MBD6: variants seen among roughly 807,000 people sequenced by gnomAD.
The protein encoded by MBD6 is methyl-CpG binding domain protein 6.
In MBD6, 22 loss-of-function variants were observed where a neutral mutation model predicts 66.8. That is an observed-to-expected ratio of 0.33 (90% CI 0.24 to 0.47). The LOEUF (loss-of-function observed/expected upper bound fraction) is 0.47, where lower values mean the gene tolerates loss of function less well. Among genes scored for constraint, MBD6 ranks in the 20% least tolerant of loss-of-function variants. MBD6 has a pLI of 1.00. For missense variants in MBD6, 1,322 were observed against 1,286.9 expected (o/e 1.03, Z -0.42); for synonymous variants, 540 against 534.6 (o/e 1.01, Z -0.14).
Position 57,525,659 on chromosome 12 carries a change from G to A in MBD6, c.691G>A (p.Ala231Thr). ...CAATGCTCCCTCATACAACTGGGGA[G>A]CTGCCCTCAGATCCAGCCTGGTGCC... is the stretch of plus-strand genomic sequence containing the variant. ...SLNAPSYNWG[A>T]ALRSSLVPSD... The change falls in exon 6 of 13, where the codon GCT becomes ACT. Residue 231 changes from alanine to threonine, a missense_variant. Ala to Thr is a moderately conservative substitution (Grantham distance 58). Coordinates refer to ENST00000355673, the MANE Select transcript of MBD6 (RefSeq NM_052897.4). 2 of 1,613,964 alleles carry A rather than the reference G, an allele frequency of 1.2e-6. No individual in the cohort carries two copies. The highest frequency in any genetic ancestry group is 1.7e-6 in the Non-Finnish European group (2 of 1,179,962).
chr12:57,531,411 A>G (rs905979348), downstream of MBD6, among the ~76,000 whole-genome samples: 21 of 152,110 alleles, frequency 1.4e-4, no homozygotes, highest in African/African-American at 4.8e-4. Context: ...CAGCTACTCA[A>G]TAGGCTGAGG....
chr12:57,525,135 A>C lies in MBD6; in HGVS notation c.379+20A>C, dbSNP rs747679132. Reference sequence around the variant, plus strand: ...CTCCTGGTGAGTCTTCTGCCACTTTACAGAAGACCGAGGAAAACCTAAGGG... The same window carrying C: ...CTCCTGGTGAGTCTTCTGCCACTTTCCAGAAGACCGAGGAAAACCTAAGGG... On this transcript the variant is annotated intron_variant, in intron 5 of 12. Coordinates refer to ENST00000355673, the MANE Select transcript of MBD6 (RefSeq NM_052897.4). 1 of 1,597,546 alleles carries C rather than the reference A, an allele frequency of 6.3e-7. No homozygotes were observed. The highest frequency in any genetic ancestry group is 1.1e-5 in the South Asian group (1 of 89,564).
In MBD6 at chr12:57,526,726, G is replaced by A. The variant is rs747989125; in HGVS notation, c.1581G>A (p.Leu527=). Residue 527 remains leucine, a synonymous_variant, in exon 7 of 13, where the codon CTG becomes CTA. Coordinates refer to ENST00000355673, the MANE Select transcript of MBD6 (RefSeq NM_052897.4). Reference sequence around the variant, plus strand: ...CTTTCCCCAGCCCTGAGCAGGGCCTGGCACTGAGTGGAGCTGGCTTCCCTG... The same window carrying A: ...CTTTCCCCAGCCCTGAGCAGGGCCTAGCACTGAGTGGAGCTGGCTTCCCTG... The part of the protein sequence containing the change: ...AFPFPSPEQG[L]ALSGAGFPGM... 2 of 1,568,136 alleles carry A rather than the reference G, an allele frequency of 1.3e-6. No individual in the cohort carries two copies. The highest frequency in any genetic ancestry group is 2.4e-5 in the South Asian group (2 of 84,340).
rs1878502240 is a variant in MBD6 at position 57,522,963 on chromosome 12, C to T, written c.-137C>T. On this transcript the variant is annotated 5_prime_UTR_variant, in exon 1 of 13. Coordinates refer to ENST00000355673, the MANE Select transcript of MBD6 (RefSeq NM_052897.4). ...CTCCTCCCACCCCCTCCCACTCACC[C>T]TCTGGGCCGCGACTGCGCAGGGCGG... The T allele has an allele frequency of 6.8e-6, 1 of 146,610 alleles. No individual in the cohort carries two copies. The allele number at this position is 146,610 out of a possible 1,614,324, so 9.1% of individuals were successfully genotyped here. A position where few individuals can be genotyped will look rare whatever the true frequency, so the allele number is the denominator to read the frequency against.
At position 57,525,049 on chromosome 12, in the gene MBD6, C is replaced by T; in HGVS notation, c.313C>T (p.Arg105Trp). The T allele has an allele frequency of 3.7e-6, 6 of 1,613,386 alleles. No individual in the cohort carries two copies. The highest frequency in any genetic ancestry group is 4.2e-6 in the Non-Finnish European group (5 of 1,179,784). Residue 105 changes from arginine (R) to tryptophan (W), a missense_variant, in exon 5 of 13, where the codon CGG becomes TGG. Arg to Trp is a moderately radical substitution (Grantham distance 101). Coordinates refer to ENST00000355673, the MANE Select transcript of MBD6 (RefSeq NM_052897.4). ...CATGACCAAGCTGTGCAACCACCGG[C>T]GGAAAGCTGTTGCTATGGCAACTCT... Reference protein sequence around the residue: ...EDMTKLCNHRRKAVAMATLYR... With the variant: ...EDMTKLCNHRWKAVAMATLYR...
Position 57,526,065 on chromosome 12 carries a change from C to T in MBD6, c.1097C>T (p.Pro366Leu), listed in dbSNP as rs1878917034. Residue 366 changes from proline to leucine, a missense_variant, in exon 6 of 13, where the codon CCC becomes CTC. Coordinates refer to ENST00000355673, the MANE Select transcript of MBD6 (RefSeq NM_052897.4). ...TCACTTCGTCCCTCTCAGCGTCGTC[C>T]CCGCAGACCCCCTACTGTATTTCGA... Reference protein sequence around the residue: ...SSSLRPSQRRPRRPPTVFRLL... With the variant: ...SSSLRPSQRRLRRPPTVFRLL... 1 of 1,613,840 alleles carries T rather than the reference C, an allele frequency of 6.2e-7. No homozygotes were observed.
chr12:57,526,351 G>C lies in MBD6; in HGVS notation c.1383G>C (p.Leu461=). Residue 461 remains leucine (L), a synonymous_variant, in exon 6 of 13, where the codon CTG becomes CTC. Transcript: ENST00000355673. ...CCAGGCACCCCATCCAGCCCTCCCT[G>C]CCTGGGACCACCAGTGGCAGCCTCA... is the stretch of plus-strand genomic sequence containing the variant. ...PQPRHPIQPS[L]PGTTSGSLSS... is the part of the protein sequence containing the mutation. The C allele has an allele frequency of 6.2e-7, 1 of 1,606,658 alleles. No individual in the cohort carries two copies.
chr12:57,522,724 A>AGCGGCGGAGGC, upstream of MBD6: 1 of 152,312 alleles, frequency 6.6e-6, no homozygotes, highest in Non-Finnish European at 1.4e-5. Flanking sequence ...GCAGCGGCGG[A>AGCGGCGGAGGC]GGCGGCGGCT....
chr12:57,530,619 A>G, downstream of MBD6: 1 of 1,331,284 alleles, frequency 7.5e-7, no homozygotes, highest in Non-Finnish European at 1.1e-6. Context: ...TAAAGGGGAA[A>G]CCCTATGTAA....
In MBD6 at chr12:57,527,414, C is replaced by T. The variant is rs145951886; in HGVS notation, c.2083-93C>T. ...TATTTAATAAGCATGGCCTATCTCA[C>T]TTGAGGCTTCAGTCAGATAGTGGAT... is the stretch of plus-strand genomic sequence containing the variant. On this transcript the variant is annotated intron_variant, in intron 7 of 12. Coordinates refer to ENST00000355673, the MANE Select transcript of MBD6 (RefSeq NM_052897.4). 224 of 1,480,718 alleles carry T rather than the reference C, an allele frequency of 1.5e-4. 1 individual carries two copies. In the African/African-American group the frequency reaches 1.5e-3, roughly 10 times the overall value. 91.7% of individuals were successfully genotyped at this position (1,480,718 alleles called of 1,614,324 possible).
chr12:57,526,183 C>T lies in MBD6; in HGVS notation c.1215C>T (p.Ser405=). ...VPQPFSLPEP[S]QPILPSVLSL... is the part of the protein sequence containing the mutation. The stretch of plus-strand genomic sequence containing the variant: ...AACCCTTTTCTCTCCCGGAGCCATC[C>T]CAACCAATTCTCCCTTCTGTGCTGT... Residue 405 remains serine (S), a synonymous_variant, in exon 6 of 13, where the codon TCC becomes TCT. Transcript: ENST00000355673. The T allele has an allele frequency of 6.2e-7, 1 of 1,614,186 alleles. No individual in the cohort carries two copies. The highest frequency in any genetic ancestry group is 8.5e-7 in the Non-Finnish European group (1 of 1,180,026).
In MBD6 at chr12:57,528,532, C is replaced by T. The variant is rs757098218; in HGVS notation, c.2792C>T (p.Pro931Leu). The T allele has an allele frequency of 1.7e-5, 27 of 1,611,712 alleles. No homozygotes were observed. In the Admixed American group the frequency reaches 3.0e-4, roughly 18 times the overall value. ...GGTGCTGAGCCCAAGGATCCACCCC[C>T]TCCCGGGCCCCATTCTGAGGACCTT... ...EGGAEPKDPP[P>L]PGPHSEDLKV... The change falls in exon 10 of 13, where the codon CCT becomes CTT. Residue 931 changes from proline (P) to leucine (L), a missense_variant. Pro to Leu is a moderately conservative substitution (Grantham distance 98). Transcript: ENST00000355673.
chr12:57,529,036 G>GGATGGGTA (rs772486220), intron 12 of MBD6, 27 bp downstream of exon 12: 1 of 1,613,606 alleles, frequency 6.2e-7, no homozygotes, highest in Non-Finnish European at 8.5e-7. Context: ...GTGGATGGGT[G>GGATGGGTA]GATGGGTAGG....
In MBD6 at chr12:57,528,160, A is replaced by G; in HGVS notation, c.2420A>G (p.Gln807Arg). The G allele has an allele frequency of 6.2e-7, 1 of 1,604,236 alleles. No homozygotes were observed. The highest frequency in any genetic ancestry group is 8.5e-7 in the Non-Finnish European group (1 of 1,176,846). Residue 807 changes from glutamine to arginine, a missense_variant, in exon 10 of 13, where the codon CAG (glutamine) becomes CGG (arginine). Coordinates refer to ENST00000355673, the MANE Select transcript of MBD6 (RefSeq NM_052897.4). The stretch of plus-strand genomic sequence containing the variant: ...TTTTGCCAGCAGATCCCTCCAGAGC[A>G]GCCAGAAGCCCCCTGTCTACCCCCC... ...LLQSLQIPPE[Q>R]PEAPCLPPES... is the part of the protein sequence containing the mutation.
At position 57,528,128 on chromosome 12, in the gene MBD6, CTTA is replaced by C. The variant is rs944841462; in HGVS notation, c.2407-16_2407-14del. On this transcript the variant is annotated splice_polypyrimidine_tract_variant and intron_variant, in intron 9 of 12. Transcript: ENST00000355673. ...GACGGTATTTGAGATTGACTGAGAA[CTTA>C]TTTTTTTGCCAGCAGATCCCTCCAG... The C allele has an allele frequency of 1.3e-6, 2 of 1,570,198 alleles. No homozygotes were observed. The highest frequency in any genetic ancestry group is 1.7e-6 in the Non-Finnish European group (2 of 1,164,970).
Position 57,528,530 on chromosome 12 carries a change from C to T in MBD6, c.2790C>T (p.Pro930=), listed in dbSNP as rs755778119. 23 of 1,611,526 alleles carry T rather than the reference C, an allele frequency of 1.4e-5. No individual in the cohort carries two copies. Among genetic ancestry groups the T allele is most frequent in the Non-Finnish European group, 1.9e-5 (22 of 1,178,458 alleles). ...AEGGAEPKDP[P]PPGPHSEDLK... ...GGGGTGCTGAGCCCAAGGATCCACC[C>T]CCTCCCGGGCCCCATTCTGAGGACC... The change falls in exon 10 of 13, where the codon CCC becomes CCT. Residue 930 remains proline (P), a synonymous_variant. Transcript: ENST00000355673.
chr12:57,530,943 A>G (rs1413946710), downstream of MBD6, among the ~76,000 whole-genome samples: 1 of 152,214 alleles, frequency 6.6e-6, no homozygotes, highest in Non-Finnish European at 1.5e-5. Flanking sequence ...TAGAGTACAT[A>G]GACCACGCTT....
At position 57,524,405 on chromosome 12, in the gene MBD6, G is replaced by A. The variant is rs764408869; in HGVS notation, c.102G>A (p.Val34=). 9 of 1,587,284 alleles carry A rather than the reference G, an allele frequency of 5.7e-6. No homozygotes were observed. The highest frequency in any genetic ancestry group is 4.5e-5 in the East Asian group (2 of 44,658). The change falls in exon 3 of 13, where the codon GTG becomes GTA. Residue 34 remains valine, a synonymous_variant. Coordinates refer to ENST00000355673, the MANE Select transcript of MBD6 (RefSeq NM_052897.4). The stretch of plus-strand genomic sequence containing the variant: ...AGCGCTGTGTGCGAGAGGGTGCTGT[G>A]CTCTACATCAGGTACGGATCTTCAC... ...GWQRCVREGA[V]LYISPSGTEL...
rs746674991 is a variant in MBD6, at chr12:57,524,299, A to G, written c.-5A>G. The G allele has an allele frequency of 2.6e-6, 4 of 1,547,632 alleles. No individual in the cohort carries two copies. In the East Asian group the frequency reaches 6.8e-5, roughly 26 times the overall value. On this transcript the variant is annotated 5_prime_UTR_variant, in exon 3 of 13. Transcript: ENST00000355673. ...TATCAGGCACGCGGGAGCTGATTACACACAATGAATGGGGGCAATGAGAGC... is the reference window on the plus strand; with the variant it reads ...TATCAGGCACGCGGGAGCTGATTACGCACAATGAATGGGGGCAATGAGAGC...
Sources: gnomAD v4.1 joint callset for allele counts (sites outside exome capture counted in the v4.1 genomes callset) on GRCh38, gnomAD v4.1.1 for gene constraint, MANE v1.5 for transcripts, NCBI Gene and HGNC (gene_info 2026-07-23, HGNC 2026-07-21) for gene names.